CFAP44: variants seen among roughly 807,000 people sequenced by gnomAD.
CFAP44 encodes the protein cilia and flagella associated protein 44, also known as cilia- and flagella-associated protein 44.
A neutral mutation model predicts 216.2 loss-of-function variants in CFAP44; 134 were observed. The observed-to-expected ratio is 0.62, with a 90% CI of 0.54 to 0.72. The LOEUF (loss-of-function observed/expected upper bound fraction) is 0.72, where lower values mean the gene tolerates loss of function less well. CFAP44 is among the 30% of genes least tolerant of loss of function. The pLI is 0.00. For missense variants in CFAP44, 2,035 were observed against 2,182.1 expected (o/e 0.93, Z 1.34); for synonymous variants, 700 against 727.6 (o/e 0.96, Z 0.61).
At position 113,330,125 on chromosome 3, in the gene CFAP44, C is replaced by A. The variant is rs141721546; in HGVS notation, c.4116+43G>T. The stretch of plus-strand genomic sequence containing the variant: ...AACCCGACCCAATTTTTTCCCTTCT[C>A]TTCTCTCTTTCAGCTTTAACTAGGA... On this transcript the variant is annotated intron_variant, in intron 26 of 34. Transcript: ENST00000393845. 3.4e-4 allele frequency: 492 copies of A among 1,453,014 alleles called. 2 individuals are homozygous for A. The African/African-American group carries it at 5.6e-3, about 17-fold the overall frequency. 90.0% of individuals were successfully genotyped at this position (1,453,014 alleles called of 1,614,324 possible).
At chr3:113,416,021 G>C (rs1021595119) in intron 6 of CFAP44, among the ~76,000 whole-genome samples, 1 of 152,138 alleles carries the variant, frequency 6.6e-6, no homozygotes, top group African/African-American at 2.4e-5. Context: ...CTAAGAACTT[G>C]TTTTATGAAT....
chr3:113,375,028 T>A (rs978211720), intron 17 of CFAP44, among the ~76,000 whole-genome samples: 1 of 152,194 alleles, frequency 6.6e-6, no homozygotes, highest in Non-Finnish European at 1.5e-5. Context: ...TTCTGACATA[T>A]GCTGCATCAC....
At chr3:113,409,006 CAA>C (rs56301009) in intron 7 of CFAP44, 98 bp downstream of exon 7, 26,397 of 313,488 alleles carry the variant, frequency 0.084, 2 homozygotes, top group Middle Eastern at 0.12. Context: ...ACCAAAACAG[CAA>C]AAAAAAAAAA....
intron 1 of CFAP44, among the ~76,000 whole-genome samples, chr3:113,436,297 A>G (rs1013032841): frequency 8.5e-5 from 13 of 152,252 alleles, no homozygotes; most frequent in African/African-American, 3.1e-4. Context: ...TTGGTTATAA[A>G]TGACCACATA....
Position 113,403,857 on chromosome 3 carries a change from C to A in CFAP44, c.1165G>T (p.Val389Phe). The A allele has an allele frequency of 6.2e-7, 1 of 1,612,818 alleles. No individual in the cohort carries two copies. Among genetic ancestry groups the A allele is most frequent in the Non-Finnish European group, 8.5e-7 (1 of 1,179,380 alleles). The part of the protein sequence containing the change: ...EVITVGSDGY[V>F]RIWDFETIDT... ...CAAGTATCGAGAAAACTTACCCTAA[C>A]ATATCCATCTGACCCAACAGTGATA... Residue 389 changes from valine (V) to phenylalanine (F), a missense_variant, in exon 9 of 35, where the codon GTT becomes TTT. Val to Phe is a conservative substitution (Grantham distance 50). Around this residue, in one of 3 missense-constraint regions of CFAP44, gnomAD observed 1,883 missense variants for 2,023.7 expected, o/e 0.93. Coordinates refer to ENST00000393845, the MANE Select transcript of CFAP44 (RefSeq NM_001164496.2).
At chr3:113,431,045 G>A (rs1935093244) in intron 2 of CFAP44, among the ~76,000 whole-genome samples, 1 of 151,890 alleles carries the variant, frequency 6.6e-6, no homozygotes, top group Non-Finnish European at 1.5e-5. Flanking sequence ...TCTCTGCTTG[G>A]GTGGAATACA....
In CFAP44 at chr3:113,426,348, T is replaced by C. The variant is rs1046860451; in HGVS notation, c.254-71A>G. Reference sequence around the variant, plus strand: ...GTCCCCACCCAAATCTCAACTTGAATTGTAGTTCCCATAATCTCCACATGT... The same window carrying C: ...GTCCCCACCCAAATCTCAACTTGAACTGTAGTTCCCATAATCTCCACATGT... On this transcript the variant is annotated intron_variant, in intron 3 of 34. Transcript: ENST00000393845. The C allele has an allele frequency of 9.0e-5, 138 of 1,526,708 alleles. No individual in the cohort carries two copies. In the African/African-American group the frequency reaches 1.8e-3, roughly 19 times the overall value. The allele number at this position is 1,526,708 out of a possible 1,614,324, so 94.6% of individuals were successfully genotyped here. A position where few individuals can be genotyped will look rare whatever the true frequency, so the allele number is the denominator to read the frequency against.
intron 7 of CFAP44, 23 bp downstream of exon 7, chr3:113,409,083 C>T (rs1393566947): frequency 8.8e-6 from 14 of 1,593,676 alleles, no homozygotes; most frequent in East Asian, 6.7e-5. Flanking sequence ...TCTACTGGCA[C>T]CTCTATTGGT....
In CFAP44 at chr3:113,319,080, C is replaced by T. The variant is rs114540242; in HGVS notation, c.4516+7365G>A. Among the ~76,000 whole-genome samples the T allele has an allele frequency of 8.4e-3, 1,281 of 152,056 alleles. 22 individuals are homozygous for T. Among genetic ancestry groups the T allele is most frequent in the African/African-American group, 0.029 (1,213 of 41,486 alleles). On this transcript the variant is annotated intron_variant, in intron 28 of 34. Transcript: ENST00000393845. The stretch of plus-strand genomic sequence containing the variant: ...CATGATGACAGGATCAAAAATCACA[C>T]GTATCAATACTAACCTTGAATGTAA...
chr3:113,431,148 G>C (rs1935096238), intron 2 of CFAP44, among the ~76,000 whole-genome samples: 1 of 152,108 alleles, frequency 6.6e-6, no homozygotes, highest in South Asian at 2.1e-4. Context: ...TTCAGGGGTG[G>C]GGGGAATGCA....
rs1934304274 is a variant in CFAP44 at position 113,407,043 on chromosome 3, T to C, written c.891-2A>G. The C allele has an allele frequency of 6.2e-7, 1 of 1,611,348 alleles. No individual in the cohort carries two copies. The highest frequency in any genetic ancestry group is 8.5e-7 in the Non-Finnish European group (1 of 1,177,558). On this transcript the variant is annotated splice_acceptor_variant, in intron 7 of 34. Coordinates refer to ENST00000393845, the MANE Select transcript of CFAP44 (RefSeq NM_001164496.2). LOFTEE classifies it high-confidence loss of function. ...AACGTAAAAGCCATTTCCCAGAACC[T>C]ACAAACAAGAAAGAGACTGAATGTA...
chr3:113,366,310 C>A lies in CFAP44; in HGVS notation c.2445-1G>T. On this transcript the variant is annotated splice_acceptor_variant, in intron 18 of 34. Coordinates refer to ENST00000393845, the MANE Select transcript of CFAP44 (RefSeq NM_001164496.2). LOFTEE classifies it high-confidence loss of function. ...ACAAAACATCATAACTTTGTTAATG[C>A]TACGAAACAAAAAATGTAAATTGTT... 1.3e-6 allele frequency: 2 copies of A among 1,584,680 alleles called. No individual in the cohort carries two copies. Among genetic ancestry groups the A allele is most frequent in the Admixed American group, 1.8e-5 (1 of 57,100 alleles).
intron 17 of CFAP44, among the ~76,000 whole-genome samples, chr3:113,378,564 G>A (rs1933415726): frequency 6.6e-6 from 1 of 152,156 alleles, no homozygotes; most frequent in South Asian, 2.1e-4. Flanking sequence ...AATTAGTAAT[G>A]ATCTTCCACA....
At chr3:113,321,715 A>G (rs1294923230) in intron 28 of CFAP44, among the ~76,000 whole-genome samples, 1 of 152,212 alleles carries the variant, frequency 6.6e-6, no homozygotes, top group East Asian at 1.9e-4. Flanking sequence ...ATTTCTATAC[A>G]TCAATAATGT....
At chr3:113,430,429 G>GAAAAAAAAAA (rs754983161) in intron 2 of CFAP44, among the ~76,000 whole-genome samples, 3 of 74,208 alleles carry the variant, frequency 4.0e-5, no homozygotes, top group Non-Finnish European at 8.8e-5. Context: ...AAAAATAAAT[G>GAAAAAAAAAA]AAAAAAAAAA....
chr3:113,345,095 GTATA>G (rs1328988227), intron 22 of CFAP44, among the ~76,000 whole-genome samples: 2 of 147,810 alleles, frequency 1.4e-5, no homozygotes, highest in Non-Finnish European at 3.0e-5. Flanking sequence ...TATATATTAT[GTATA>G]TATATCTATA....
intron 22 of CFAP44, among the ~76,000 whole-genome samples, chr3:113,351,429 T>C (rs1950443804): frequency 6.6e-6 from 1 of 152,216 alleles, no homozygotes. Context: ...CCAGTTTATC[T>C]ACTTCATTAT....
chr3:113,352,355 C>T (rs150782091), intron 22 of CFAP44, among the ~76,000 whole-genome samples: 3,680 of 152,286 alleles, frequency 0.024, 77 homozygotes, highest in Middle Eastern at 0.034. Flanking sequence ...TTCTTTCGCT[C>T]TTCACAATAA....
chr3:113,403,715 A>AT (rs1934201191), intron 9 of CFAP44, 137 bp downstream of exon 9: 1 of 920,110 alleles, frequency 1.1e-6, no homozygotes, highest in Non-Finnish European at 1.5e-6. Flanking sequence ...GAGAAGCATT[A>AT]TTTAAAGTGA....
Sources: gnomAD v4.1 joint callset for allele counts (sites outside exome capture counted in the v4.1 genomes callset) on GRCh38, gnomAD v4.1.1 for gene constraint, gnomAD v4.1.1 regional missense constraint, MANE v1.5 for transcripts, NCBI Gene and HGNC (gene_info 2026-07-23, HGNC 2026-07-21) for gene names.